MANBA: variants seen among roughly 807,000 people sequenced by gnomAD.
The protein encoded by MANBA is beta-mannosidase.
MANBA carries 83 observed loss-of-function variants against 111.1 expected under a neutral mutation model. The ratio of observed to expected loss-of-function variants is 0.75; its 90% CI spans 0.63 to 0.90. MANBA has a LOEUF of 0.90. Ranked by LOEUF, MANBA falls within the 40% of genes least tolerant of loss-of-function variation. The pLI, the probability that MANBA is intolerant of heterozygous loss-of-function variation, is 0.00. For missense variants in MANBA, 1,036 were observed against 1,069.0 expected, an observed-to-expected ratio of 0.97 and a Z score of 0.43; for synonymous variants, 370 against 378.7, an observed-to-expected ratio of 0.98 and a Z score of 0.27.
chr4:102,714,767 T>C (rs1217020492), intron 4 of MANBA, among the ~76,000 whole-genome samples: 1 of 152,184 alleles, frequency 6.6e-6, no homozygotes, highest in African/African-American at 2.4e-5. Flanking sequence ...GCAGGTTTGG[T>C]TCCTCCTGAA....
At chr4:102,689,267 T>G (rs1412744544) in intron 7 of MANBA, among the ~76,000 whole-genome samples, 3 of 151,464 alleles carry the variant, frequency 2.0e-5, no homozygotes, top group Non-Finnish European at 2.9e-5. Context: ...GAGAATTGCT[T>G]GAACCCAGGA....
intron 1 of MANBA, chr4:102,729,275 G>A (rs1414129714): frequency 5.3e-6 from 4 of 753,062 alleles, no homozygotes; most frequent in South Asian, 1.4e-5. Context: ...GTACACTGCA[G>A]GTCATCCTCG....
chr4:102,727,869 C>T, intron 1 of MANBA: 1 of 569,906 alleles, frequency 1.8e-6, no homozygotes, highest in Non-Finnish European at 3.2e-6. Flanking sequence ...GATGAAAAAG[C>T]CCCTTGTGAA....
rs1723460336 is a variant in MANBA, at chr4:102,742,962, C to G, written c.178-16279G>C. On this transcript the variant is annotated intron_variant, in intron 1 of 16. Transcript: ENST00000647097. ...AGGTCAGCCTTGCTGAGTGGAAATC[C>G]ATGTTGCTGAGTCCATGTGTAACCC... 2.0e-5 allele frequency among the ~76,000 whole-genome samples: 3 copies of G among 152,214 alleles called. No individual in the cohort carries two copies. In the South Asian group the frequency reaches 6.2e-4, roughly 31 times the overall value.
chr4:102,650,462 A>G (rs1468220883), intron 13 of MANBA, 75 bp downstream of exon 13: 4 of 1,427,332 alleles, frequency 2.8e-6, no homozygotes, highest in South Asian at 1.2e-5. Context: ...TTCACCATAT[A>G]TGGCCTACAA....
intron 11 of MANBA, chr4:102,663,139 A>G (rs1452303944): frequency 1.3e-5 from 2 of 152,224 alleles, no homozygotes; most frequent in South Asian, 2.1e-4. Context: ...TTAAGCAGAA[A>G]TGTGTTGTCC....
At chr4:102,758,068 C>T (rs1001097393) in intron 1 of MANBA, among the ~76,000 whole-genome samples, 1 of 152,192 alleles carries the variant, frequency 6.6e-6, no homozygotes, top group Non-Finnish European at 1.5e-5. Flanking sequence ...GTTTAGAAGT[C>T]ACCTTATCAA....
intron 1 of MANBA, among the ~76,000 whole-genome samples, chr4:102,737,057 G>A (rs371600033): frequency 2.0e-5 from 3 of 152,136 alleles, no homozygotes; most frequent in East Asian, 1.9e-4. Context: ...CGGAAAGAGC[G>A]AGTCCCCAGC....
intron 1 of MANBA, chr4:102,727,299 T>C: frequency 1.7e-6 from 1 of 600,084 alleles, no homozygotes; most frequent in Non-Finnish European, 3.0e-6. Context: ...CTGTTTGCTC[T>C]GGGCTTCCGT....
intron 5 of MANBA, among the ~76,000 whole-genome samples, chr4:102,706,137 A>C (rs936031402): frequency 5.3e-5 from 8 of 152,202 alleles, no homozygotes; most frequent in Admixed American, 2.6e-4. Context: ...AGTCACCTGG[A>C]GGCCCAAGAT....
At chr4:102,714,416 A>G (rs761692669) in intron 5 of MANBA, 22 bp downstream of exon 5, 3 of 1,596,200 alleles carry the variant, frequency 1.9e-6, no homozygotes, top group Admixed American at 1.7e-5. Flanking sequence ...AAAAGAAAAA[A>G]AAATCACATC....
intron 7 of MANBA, among the ~76,000 whole-genome samples, chr4:102,677,919 ATACT>A (rs1187483347): frequency 9.2e-5 from 14 of 152,308 alleles, no homozygotes; most frequent in African/African-American, 3.1e-4. Context: ...GAATAAGTAA[ATACT>A]TAATTCTCAG....
chr4:102,680,959 T>A (rs997887822), intron 7 of MANBA, among the ~76,000 whole-genome samples: 3 of 152,216 alleles, frequency 2.0e-5, no homozygotes, highest in African/African-American at 7.2e-5. Flanking sequence ...TATAGGCCTA[T>A]CTGACCAATT....
chr4:102,667,490 G>A (rs1377714459), intron 10 of MANBA: 2 of 152,066 alleles, frequency 1.3e-5, no homozygotes, highest in African/African-American at 2.4e-5. Flanking sequence ...GAGTGCACTG[G>A]GGAAAAGATA....
Position 102,722,992 on chromosome 4 carries a change from C to T in MANBA, c.428G>A (p.Arg143His), listed in dbSNP as rs757152419. 14 of 1,613,972 alleles carry T rather than the reference C, an allele frequency of 8.7e-6. No individual in the cohort carries two copies. The highest frequency in any genetic ancestry group is 5.5e-5 in the South Asian group (5 of 91,080). ...TGCATACAACACCGCTGACTGGAAA[C>T]GCAGCTCAATGGAGTTCACGTCCCT... is the stretch of plus-strand genomic sequence containing the variant. ...VVRDVNSIELRFQSAVLYAAQ... is the reference protein window; with the variant it reads ...VVRDVNSIELHFQSAVLYAAQ... Residue 143 changes from arginine to histidine, a missense_variant, in exon 4 of 17, where the codon CGT (arginine) becomes CAT (histidine). Coordinates refer to ENST00000647097, the MANE Select transcript of MANBA (RefSeq NM_005908.4).
chr4:102,658,028 A>T (rs1051045759), intron 11 of MANBA, 128 bp from the exon 12 acceptor site: 9 of 718,016 alleles, frequency 1.3e-5, no homozygotes, highest in Admixed American at 4.1e-5. Context: ...TAGTAGGACC[A>T]CTTACCTTCT....
chr4:102,668,801 C>CCATG, intron 10 of MANBA, 162 bp downstream of exon 10: 1 of 645,234 alleles, frequency 1.5e-6, no homozygotes, highest in East Asian at 2.9e-5. Flanking sequence ...GATGGTAAAG[C>CCATG]CATGACACTG....
chr4:102,668,721 A>AT, intron 10 of MANBA: 1 of 474,786 alleles, frequency 2.1e-6, no homozygotes, highest in Non-Finnish European at 3.9e-6. Context: ...AGGCAGTTGG[A>AT]TATAAGAAAG....
chr4:102,696,679 G>GA (rs763487694), intron 5 of MANBA, among the ~76,000 whole-genome samples: 54 of 152,144 alleles, frequency 3.5e-4, no homozygotes, highest in Non-Finnish European at 2.5e-4. Context: ...TCACTGGGGG[G>GA]AAAACCTATT....
Sources: gnomAD v4.1 joint callset for allele counts (sites outside exome capture counted in the v4.1 genomes callset) on GRCh38, gnomAD v4.1.1 for gene constraint, MANE v1.5 for transcripts, NCBI Gene and HGNC (gene_info 2026-07-23, HGNC 2026-07-21) for gene names.